Variants in RAPGEF5 observed in about 807,000 individuals in gnomAD.
RAPGEF5 encodes the protein Rap guanine nucleotide exchange factor 5.
A neutral mutation model predicts 125.2 loss-of-function variants in RAPGEF5; 65 were observed. The observed-to-expected ratio is 0.52, with a 90% confidence interval of 0.43 to 0.64. The LOEUF is 0.64. Among genes scored for constraint, RAPGEF5 ranks in the 30% least tolerant of loss-of-function variants. The probability of loss-of-function intolerance (pLI) is 0.00; values close to 1 mark genes in which losing one functional copy is unlikely to be tolerated. For missense variants in RAPGEF5, 958 were observed against 1,048.1 expected, an observed-to-expected ratio of 0.91 and a Z score of 1.19; for synonymous variants, 391 against 385.9, an observed-to-expected ratio of 1.01 and a Z score of -0.16.
chr7:22,200,039 T>C (rs1785242089), intron 9 of RAPGEF5, among the ~76,000 whole-genome samples: 1 of 152,196 alleles, frequency 6.6e-6, no homozygotes, highest in South Asian at 2.1e-4. Flanking sequence ...GCCCAAAGTG[T>C]TGGCTCTCCT....
chr7:22,126,093 G>A (rs1782735701), intron 24 of RAPGEF5, among the ~76,000 whole-genome samples: 1 of 152,174 alleles, frequency 6.6e-6, no homozygotes, highest in South Asian at 2.1e-4. Flanking sequence ...GAGGTGCAGT[G>A]AGCCAAGATC....
At chr7:22,150,226 C>G (rs1177284088) in intron 18 of RAPGEF5, among the ~76,000 whole-genome samples, 181 bp downstream of exon 18, 1 of 151,758 alleles carries the variant, frequency 6.6e-6, no homozygotes, top group Non-Finnish European at 1.5e-5. Flanking sequence ...CAGGTGTGTA[C>G]TACTATGCCC....
At chr7:22,138,327 C>T (rs919119279) in intron 21 of RAPGEF5, among the ~76,000 whole-genome samples, 3 of 152,182 alleles carry the variant, frequency 2.0e-5, no homozygotes, top group South Asian at 2.1e-4. Context: ...ACTACAGCTG[C>T]TCTTTCACTC....
At chr7:22,354,000 G>A (rs1033856780) in intron 1 of RAPGEF5, among the ~76,000 whole-genome samples, 1 of 152,076 alleles carries the variant, frequency 6.6e-6, no homozygotes, top group African/African-American at 2.4e-5. Flanking sequence ...GAGCCAGAAG[G>A]TCGAGGCTAT....
At chr7:22,256,797 C>T (rs982360191) in intron 7 of RAPGEF5, among the ~76,000 whole-genome samples, 1 of 152,174 alleles carries the variant, frequency 6.6e-6, no homozygotes, top group Admixed American at 6.5e-5. Context: ...CCAACATTAG[C>T]AGGAGAATAA....
Position 22,125,644 on chromosome 7 carries a change from G to A in RAPGEF5, c.2496C>T (p.Asp832=). The change falls in exon 25 of 26, where the codon GAC becomes GAT. Residue 832 remains aspartate, a synonymous_variant. Coordinates refer to ENST00000665637, the MANE Select transcript of RAPGEF5 (RefSeq NM_012294.5). ...TGCAGTGTCTCAGGGTTCGGACAGT[G>A]TCTGCGATCATATGCTGTAAAGTAG... ...VNFEKLHMIA[D]TVRTLRHCRT... 1 of 1,611,692 alleles carries A rather than the reference G, an allele frequency of 6.2e-7. No homozygotes were observed. Among genetic ancestry groups the A allele is most frequent in the South Asian group, 1.1e-5 (1 of 91,034 alleles).
In RAPGEF5 at chr7:22,317,986, C is replaced by T. The variant is rs1783636770; in HGVS notation, c.282+1G>A. ...GGCAGTAAAAGAGAAAGGAATCATA[C>T]CTGGGAAGGCGTATGTTCAAGGTAC... On this transcript the variant is annotated splice_donor_variant, in intron 2 of 25. Transcript: ENST00000665637. LOFTEE classifies it high-confidence loss of function. 6 of 1,547,984 alleles carry T rather than the reference C, an allele frequency of 3.9e-6. No homozygotes were observed. The highest frequency in any genetic ancestry group is 4.4e-6 in the Non-Finnish European group (5 of 1,146,300).
chr7:22,339,291 C>T (rs1784083244), intron 1 of RAPGEF5, among the ~76,000 whole-genome samples: 1 of 152,228 alleles, frequency 6.6e-6, no homozygotes, highest in South Asian at 2.1e-4. Flanking sequence ...GTCTCTCACT[C>T]TGCCTTATGC....
chr7:22,242,598 G>C (rs965216652), intron 7 of RAPGEF5, among the ~76,000 whole-genome samples: 3 of 152,322 alleles, frequency 2.0e-5, no homozygotes, highest in Middle Eastern at 3.4e-3. Flanking sequence ...CGATCCAAAA[G>C]TGGGGACTGA....
chr7:22,147,768 T>C (rs576076745), intron 18 of RAPGEF5, among the ~76,000 whole-genome samples: 2 of 152,224 alleles, frequency 1.3e-5, no homozygotes, highest in East Asian at 1.9e-4. Context: ...TGATGTTTTC[T>C]AATGAAAATA....
At position 22,118,845 on chromosome 7, in the gene RAPGEF5, A is replaced by G. The variant is rs958453373; in HGVS notation, c.*3561T>C. The G allele has an allele frequency of 2.0e-5, 3 of 152,644 alleles. No homozygotes were observed. The highest frequency in any genetic ancestry group is 4.4e-5 in the Non-Finnish European group (3 of 68,048). 9.5% of individuals were successfully genotyped at this position (152,644 alleles called of 1,614,324 possible). ...TGTTTAGTATATACAGCTTTGCTTTATACAGTAATACATTTGCATCTAACT... is the reference window on the plus strand; with the variant it reads ...TGTTTAGTATATACAGCTTTGCTTTGTACAGTAATACATTTGCATCTAACT... On this transcript the variant is annotated 3_prime_UTR_variant, in exon 26 of 26. Coordinates refer to ENST00000665637, the MANE Select transcript of RAPGEF5 (RefSeq NM_012294.5).
rs1429723002 is a variant in RAPGEF5 at position 22,145,277 on chromosome 7, C to T, written c.2008-55G>A. 2.4e-5 allele frequency: 36 copies of T among 1,502,712 alleles called. No individual in the cohort carries two copies. In the Admixed American group the frequency reaches 7.4e-4, roughly 31 times the overall value. The allele number at this position is 1,502,712 out of a possible 1,614,324, so 93.1% of individuals were successfully genotyped here. ...TATTTATAGCAAAGTATGGTTGATACAAAACTCGGTCAAATTTTAAGAGCT... is the reference window on the plus strand; with the variant it reads ...TATTTATAGCAAAGTATGGTTGATATAAAACTCGGTCAAATTTTAAGAGCT... On this transcript the variant is annotated intron_variant, in intron 19 of 25. Transcript: ENST00000665637.
intron 24 of RAPGEF5, among the ~76,000 whole-genome samples, chr7:22,126,926 A>T (rs778704612): frequency 6.6e-6 from 1 of 152,114 alleles, no homozygotes; most frequent in Non-Finnish European, 1.5e-5. Context: ...GCCGGCCAAC[A>T]TCAACATCTT....
At chr7:22,229,796 G>A (rs1786014788) in intron 8 of RAPGEF5, among the ~76,000 whole-genome samples, 1 of 152,134 alleles carries the variant, frequency 6.6e-6, no homozygotes. Context: ...ACCAGCTTAG[G>A]CCTATAACAC....
chr7:22,145,007 G>T, intron 20 of RAPGEF5, 37 bp downstream of exon 20: 1 of 1,596,930 alleles, frequency 6.3e-7, no homozygotes, highest in South Asian at 1.1e-5. Flanking sequence ...CTCTCAAGAA[G>T]ACTAGAGGAA....
chr7:22,147,803 G>A (rs1393948869), intron 18 of RAPGEF5, among the ~76,000 whole-genome samples: 1 of 152,154 alleles, frequency 6.6e-6, no homozygotes, highest in Non-Finnish European at 1.5e-5. Context: ...TGAAGCGTTA[G>A]ATTTGAATAA....
intron 25 of RAPGEF5, 62 bp downstream of exon 25, chr7:22,125,542 T>C (rs966283153): frequency 6.8e-7 from 1 of 1,478,962 alleles, no homozygotes; most frequent in Non-Finnish European, 9.5e-7. Context: ...CCAATACTTG[T>C]GACCACAGTT....
At chr7:22,289,429 A>G (rs979177989) in intron 6 of RAPGEF5, among the ~76,000 whole-genome samples, 1 of 152,358 alleles carries the variant, frequency 6.6e-6, no homozygotes, top group African/African-American at 2.4e-5. Flanking sequence ...GTATCTATAA[A>G]ATAGACATAA....
At position 22,135,007 on chromosome 7, in the gene RAPGEF5, C is replaced by T. The variant is rs958977759; in HGVS notation, c.2416+1031G>A. The stretch of plus-strand genomic sequence containing the variant: ...ACTCAGTGAGTAGCTGCACGATGTA[C>T]GGCAACTCACAATAATTTTCCAAGC... On this transcript the variant is annotated intron_variant, in intron 23 of 25. Transcript: ENST00000665637. 6.6e-5 allele frequency among the ~76,000 whole-genome samples: 10 copies of T among 152,252 alleles called. No homozygotes were observed. In the South Asian group the frequency reaches 1.9e-3, roughly 28 times the overall value.
Sources: gnomAD v4.1 joint callset for allele counts (sites outside exome capture counted in the v4.1 genomes callset) on GRCh38, gnomAD v4.1.1 for gene constraint, MANE v1.5 for transcripts, NCBI Gene and HGNC (gene_info 2026-07-23, HGNC 2026-07-21) for gene names.